The following MYO9A variants were observed in gnomAD, a reference collection of about 807,000 sequenced individuals.
The protein encoded by MYO9A is myosin IXA.
MYO9A carries 103 observed loss-of-function variants against 293.3 expected under a neutral mutation model. The observed-to-expected ratio is 0.35, with a 90% CI of 0.30 to 0.41. MYO9A has a LOEUF of 0.41. Ranked by LOEUF, MYO9A falls within the 10% of genes least tolerant of loss-of-function variation. The probability of loss-of-function intolerance (pLI) is 1.00; values close to 1 mark genes in which losing one functional copy is unlikely to be tolerated. For missense variants in MYO9A, 2,685 were observed against 3,033.0 expected (o/e 0.89, Z 2.69); for synonymous variants, 1,001 against 1,035.7 (o/e 0.97, Z 0.64).
intron 1 of MYO9A, among the ~76,000 whole-genome samples, chr15:72,109,095 T>C (rs1003414260): frequency 2.0e-5 from 3 of 152,042 alleles, no homozygotes; most frequent in Admixed American, 1.3e-4. Context: ...TGCAAAAATA[T>C]ATACAATCAC....
At chr15:71,908,869 A>G (rs1358756539) in intron 19 of MYO9A, among the ~76,000 whole-genome samples, 3 of 152,202 alleles carry the variant, frequency 2.0e-5, no homozygotes, top group Non-Finnish European at 4.4e-5. Context: ...AGTATCATAC[A>G]GATTAATTTG....
rs2059294958 is a variant in MYO9A, at chr15:71,960,241, G to A, written c.1987-145C>T. 3 of 677,036 alleles carry A rather than the reference G, an allele frequency of 4.4e-6. No individual in the cohort carries two copies. In the African/African-American group the frequency reaches 5.4e-5, roughly 12 times the overall value. The allele number at this position is 677,036 out of a possible 1,614,324, so 41.9% of individuals were successfully genotyped here. On this transcript the variant is annotated intron_variant, in intron 13 of 41. Coordinates refer to ENST00000356056, the MANE Select transcript of MYO9A (RefSeq NM_006901.4). ...CCCATGGTGGAGATGGGGCCTGGTA[G>A]GAGGTGTTTGGGTCATGGAGGCAGA...
chr15:71,917,699 A>C (rs2058048461), intron 18 of MYO9A, among the ~76,000 whole-genome samples: 1 of 152,192 alleles, frequency 6.6e-6, no homozygotes, highest in Non-Finnish European at 1.5e-5. Context: ...AATTTTTTAA[A>C]CCACACAATA....
intron 2 of MYO9A, among the ~76,000 whole-genome samples, chr15:72,044,452 C>G (rs1194932311): frequency 1.3e-5 from 2 of 151,620 alleles, no homozygotes; most frequent in Non-Finnish European, 2.9e-5. Context: ...TTGTTACTTA[C>G]CACAGTCATC....
At chr15:72,101,621 G>A (rs1484963664) in intron 1 of MYO9A, among the ~76,000 whole-genome samples, 7 of 123,762 alleles carry the variant, frequency 5.7e-5, no homozygotes, top group African/African-American at 1.9e-4. Context: ...CCGGCCAGCC[G>A]CCCCATCCAG....
In MYO9A at chr15:71,957,573, G is replaced by T. The variant is rs190763571; in HGVS notation, c.2182+2328C>A. ...ACAGCATAGAGATTCTAGACTTATGGTGATACCCAAATCAATTTTAGTATC... is the reference window on the plus strand; with the variant it reads ...ACAGCATAGAGATTCTAGACTTATGTTGATACCCAAATCAATTTTAGTATC... On this transcript the variant is annotated intron_variant, in intron 14 of 41. Coordinates refer to ENST00000356056, the MANE Select transcript of MYO9A (RefSeq NM_006901.4). 2.6e-3 allele frequency among the ~76,000 whole-genome samples: 396 copies of T among 152,074 alleles called. 1 individual carries two copies. Among genetic ancestry groups the T allele is most frequent in the Non-Finnish European group, 4.5e-3 (303 of 67,976 alleles).
chr15:71,962,048 TAAG>T (rs2075760667), intron 13 of MYO9A, among the ~76,000 whole-genome samples: 1 of 152,022 alleles, frequency 6.6e-6, no homozygotes, highest in Non-Finnish European at 1.5e-5. Context: ...TAAAACTGAA[TAAG>T]AAGGATTGTA....
chr15:71,900,481 T>C (rs1168748270), intron 23 of MYO9A, among the ~76,000 whole-genome samples: 1 of 151,984 alleles, frequency 6.6e-6, no homozygotes. Context: ...AAGCAGAAAG[T>C]GTACCTGAAA....
rs1174092456 is a variant in MYO9A, at chr15:71,901,125, T to A, written c.3150+66A>T. 4 of 1,506,988 alleles carry A rather than the reference T, an allele frequency of 2.7e-6. No individual in the cohort carries two copies. The African/African-American group carries it at 5.6e-5, about 21-fold the overall frequency. 93.4% of individuals were successfully genotyped at this position (1,506,988 alleles called of 1,614,324 possible). ...CTGAAAATGTTTTACAGTAAAAAGG[T>A]TCTGGTTACTAAACAAAGGCCAAAT... On this transcript the variant is annotated intron_variant, in intron 23 of 41. Transcript: ENST00000356056.
At chr15:71,983,302 A>C (rs537402147) in intron 11 of MYO9A, among the ~76,000 whole-genome samples, 1 of 151,672 alleles carries the variant, frequency 6.6e-6, no homozygotes, top group Non-Finnish European at 1.5e-5. Flanking sequence ...ATTCTAGAAA[A>C]CATGTATCCT....
chr15:71,881,885 A>G (rs1175068128), intron 28 of MYO9A, among the ~76,000 whole-genome samples: 2 of 152,362 alleles, frequency 1.3e-5, no homozygotes, highest in African/African-American at 4.8e-5. Flanking sequence ...AAGATATAAG[A>G]AACTGATAAC....
At chr15:71,845,331 A>G (rs2723338) in intron 39 of MYO9A, among the ~76,000 whole-genome samples, 2,453 of 148,192 alleles carry the variant, frequency 0.017, 73 homozygotes, top group African/African-American at 0.06. Context: ...GTAGGTATTT[A>G]TATCTTGCAT....
rs761071003 is a variant in MYO9A at position 72,092,008 on chromosome 15, G to A, written c.-72+25672C>T. Among the ~76,000 whole-genome samples, 20 of 152,074 alleles carry A rather than the reference G, an allele frequency of 1.3e-4. No individual in the cohort carries two copies. In the East Asian group the frequency reaches 3.1e-3, roughly 23 times the overall value. ...TGGGATTACAGGTGTTAGCCATCGC[G>A]CCCGGCGAAAAATATATATTCTTAA... On this transcript the variant is annotated intron_variant, in intron 1 of 41. Coordinates refer to ENST00000356056, the MANE Select transcript of MYO9A (RefSeq NM_006901.4).
At chr15:72,054,368 T>C (rs143675162) in intron 1 of MYO9A, among the ~76,000 whole-genome samples, 1,688 of 152,256 alleles carry the variant, frequency 0.011, 31 homozygotes, top group African/African-American at 0.038. Context: ...TGATCGAATC[T>C]GCTACAAAGA....
At chr15:71,852,335 T>A (rs1268069433) in intron 35 of MYO9A, 75 bp from the exon 36 acceptor site, 5 of 1,262,024 alleles carry the variant, frequency 4.0e-6, no homozygotes, top group Non-Finnish European at 5.4e-6. Context: ...TTAGAAACTA[T>A]CATCATTAAA....
chr15:72,097,677 A>G (rs1459500332), intron 1 of MYO9A, among the ~76,000 whole-genome samples: 1 of 152,224 alleles, frequency 6.6e-6, no homozygotes, highest in African/African-American at 2.4e-5. Context: ...TGGGAGGCCA[A>G]GGTGGGCGGA....
intron 9 of MYO9A, among the ~76,000 whole-genome samples, chr15:71,996,086 AACCAACT>A (rs1433554094): frequency 6.6e-6 from 1 of 152,192 alleles, no homozygotes; most frequent in Admixed American, 6.5e-5. Flanking sequence ...GCATAAGGTG[AACCAACT>A]ATCAAGAAAA....
intron 1 of MYO9A, among the ~76,000 whole-genome samples, chr15:72,078,402 G>C (rs1291687668): frequency 2.6e-5 from 4 of 152,034 alleles, no homozygotes; most frequent in Admixed American, 2.6e-4. Flanking sequence ...TGAAGTGAGA[G>C]GATCCCTTGA....
At chr15:72,103,354 G>GCAGCAGC (rs2080439978) in intron 1 of MYO9A, among the ~76,000 whole-genome samples, 1 of 146,994 alleles carries the variant, frequency 6.8e-6, no homozygotes, top group African/African-American at 2.5e-5. Flanking sequence ...GCAGCAAGCA[G>GCAGCAGC]AGACAGAAGC....
Sources: gnomAD v4.1 joint callset for allele counts (sites outside exome capture counted in the v4.1 genomes callset) on GRCh38, gnomAD v4.1.1 for gene constraint, MANE v1.5 for transcripts, NCBI Gene and HGNC (gene_info 2026-07-23, HGNC 2026-07-21) for gene names.